Variants in CRTAP observed in about 807,000 individuals in gnomAD.
The protein encoded by CRTAP is cartilage-associated protein.
In CRTAP, 33 loss-of-function variants were observed where a neutral mutation model predicts 42.7. The observed-to-expected ratio is 0.77, with a 90% confidence interval of 0.59 to 1.03. CRTAP has a LOEUF of 1.03. CRTAP is among the 50% of genes least tolerant of loss of function. CRTAP has a pLI of 0.00. For missense variants in CRTAP, 613 were observed against 533.9 expected (o/e 1.15, Z -1.46); for synonymous variants, 243 against 217.7 (o/e 1.12, Z -1.02).
At chr3:33,134,120 T>A (rs2030351911) in intron 5 of CRTAP, 62 bp from the exon 6 acceptor site, 2 of 1,131,606 alleles carry the variant, frequency 1.8e-6, no homozygotes, top group East Asian at 4.7e-5. Context: ...TGTTCCTCCC[T>A]CCTCCCAGTT....
In CRTAP at chr3:33,146,677, G is replaced by A. The variant is rs2030732627; in HGVS notation, c.*4229G>A. On this transcript the variant is annotated 3_prime_UTR_variant, in exon 7 of 7. Transcript: ENST00000320954. ...AAGGGCTGCCTTAGGAAGGAAATGT[G>A]TGCTTTCAGGAGTTCTTATTAGGGG... 1 of 152,204 alleles carries A rather than the reference G, an allele frequency of 6.6e-6. No individual in the cohort carries two copies. The highest frequency in any genetic ancestry group is 1.5e-5 in the Non-Finnish European group (1 of 68,042). The allele number at this position is 152,204 out of a possible 1,614,324, so 9.4% of individuals were successfully genotyped here. A position where few individuals can be genotyped will look rare whatever the true frequency, so the allele number is the denominator to read the frequency against.
At chr3:33,129,440 A>G (rs185137678) in intron 3 of CRTAP, among the ~76,000 whole-genome samples, 2 of 151,818 alleles carry the variant, frequency 1.3e-5, no homozygotes, top group African/African-American at 2.4e-5. Flanking sequence ...GGCCATTTAT[A>G]TAGTGGATGT....
intron 1 of CRTAP, among the ~76,000 whole-genome samples, chr3:33,118,791 G>C (rs1015625487): frequency 6.6e-6 from 1 of 152,134 alleles, no homozygotes; most frequent in Non-Finnish European, 1.5e-5. Flanking sequence ...GTCCTCACAG[G>C]GAGGCCTCTG....
At chr3:33,142,297 G>T in intron 6 of CRTAP, 98 bp from the exon 7 acceptor site, 6 of 1,159,500 alleles carry the variant, frequency 5.2e-6, no homozygotes, top group Non-Finnish European at 7.8e-6. Flanking sequence ...AGCCAAAGCA[G>T]ACAGTGGTGA....
chr3:33,114,236 C>A lies in CRTAP; in HGVS notation c.159C>A (p.Asp53Glu), dbSNP rs777920818. The A allele has an allele frequency of 6.3e-7, 1 of 1,591,776 alleles. No individual in the cohort carries two copies. Reference sequence around the variant, plus strand: ...AGTCGGCCTACCGGCACGCGCTGGACAAGTACAGCGGCGAGCACTGGGCCG... The same window carrying A: ...AGTCGGCCTACCGGCACGCGCTGGAAAAGTACAGCGGCGAGCACTGGGCCG... The part of the protein sequence containing the change: ...PLESAYRHAL[D>E]KYSGEHWAES... Residue 53 changes from aspartate to glutamate, a missense_variant, in exon 1 of 7, where the codon GAC becomes GAA. Transcript: ENST00000320954.
chr3:33,128,098 A>C (rs1301277540), intron 3 of CRTAP, among the ~76,000 whole-genome samples: 1 of 152,206 alleles, frequency 6.6e-6, no homozygotes, highest in Non-Finnish European at 1.5e-5. Context: ...TTGCACATGC[A>C]TTATTACTCT....
At chr3:33,142,120 G>A (rs1055811063) in intron 6 of CRTAP, among the ~76,000 whole-genome samples, 2 of 152,138 alleles carry the variant, frequency 1.3e-5, no homozygotes, top group African/African-American at 2.4e-5. Context: ...ACACAGGAGG[G>A]CCACTTAGTA....
chr3:33,114,343 G>T lies in CRTAP; in HGVS notation c.266G>T (p.Ser89Ile). The change falls in exon 1 of 7, where the codon AGC becomes ATC. Residue 89 changes from serine (S) to isoleucine (I), a missense_variant. Physicochemically the swap from Ser to Ile is moderately radical, Grantham distance 142. Coordinates refer to ENST00000320954, the MANE Select transcript of CRTAP (RefSeq NM_006371.5). ...GAGGCCTTCTGCCACCGCAACTGCA[G>T]CGCCGCGCCGCAGCCCGAGCCCGCC... The part of the protein sequence containing the change: ...DSEAFCHRNC[S>I]AAPQPEPAAG... 6.5e-7 allele frequency: 1 copy of T among 1,527,716 alleles called. No homozygotes were observed. 94.6% of individuals were successfully genotyped at this position (1,527,716 alleles called of 1,614,324 possible).
chr3:33,130,091 T>G, intron 4 of CRTAP, 24 bp downstream of exon 4: 4 of 1,609,446 alleles, frequency 2.5e-6, no homozygotes, highest in Non-Finnish European at 3.4e-6. Context: ...TGTGACATCT[T>G]GGGTGAGGCA....
intron 3 of CRTAP, among the ~76,000 whole-genome samples, chr3:33,126,397 G>C (rs1447332562): frequency 6.6e-6 from 1 of 152,136 alleles, no homozygotes; most frequent in African/African-American, 2.4e-5. Flanking sequence ...CCCATGGTCT[G>C]GGTTTTGCTG....
At position 33,114,051 on chromosome 3, in the gene CRTAP, C is replaced by A; in HGVS notation, c.-27C>A. On this transcript the variant is annotated 5_prime_UTR_variant, in exon 1 of 7. Coordinates refer to ENST00000320954, the MANE Select transcript of CRTAP (RefSeq NM_006371.5). Reference sequence around the variant, plus strand: ...CCTCCCCTTTTCCCTTCCTTCGTCCCTTCCTTCCTTCCTTTCGCCGGGCGC... The same window carrying A: ...CCTCCCCTTTTCCCTTCCTTCGTCCATTCCTTCCTTCCTTTCGCCGGGCGC... The A allele has an allele frequency of 1.5e-6, 2 of 1,356,646 alleles. No homozygotes were observed. The highest frequency in any genetic ancestry group is 1.4e-5 in the South Asian group (1 of 69,158). The allele number at this position is 1,356,646 out of a possible 1,614,324, so 84.0% of individuals were successfully genotyped here. A position where few individuals can be genotyped will look rare whatever the true frequency, so the allele number is the denominator to read the frequency against.
intron 1 of CRTAP, among the ~76,000 whole-genome samples, chr3:33,118,501 C>G (rs574283650): frequency 1.1e-4 from 17 of 152,338 alleles, no homozygotes; most frequent in African/African-American, 3.8e-4. Context: ...CACCACCCAC[C>G]ACTTCTCTGA....
chr3:33,141,905 A>G (rs977431343), intron 6 of CRTAP, among the ~76,000 whole-genome samples: 1 of 152,198 alleles, frequency 6.6e-6, no homozygotes, highest in African/African-American at 2.4e-5. Context: ...AGCAGTATGT[A>G]TGCAAGCACT....
rs1701316743 is a variant in CRTAP, at chr3:33,114,400, T to C, written c.323T>C (p.Leu108Pro). The C allele has an allele frequency of 6.5e-7, 1 of 1,538,214 alleles. No individual in the cohort carries two copies. The highest frequency in any genetic ancestry group is 8.7e-7 in the Non-Finnish European group (1 of 1,147,356). The change falls in exon 1 of 7, where the codon CTC becomes CCC. Residue 108 changes from leucine (L) to proline (P), a missense_variant. Physicochemically the swap from Leu to Pro is moderately conservative, Grantham distance 98 (BLOSUM62 -3). Coordinates refer to ENST00000320954, the MANE Select transcript of CRTAP (RefSeq NM_006371.5). ...CTCGCCAGCTATCCCGAGCTGCGCCTCTTCGGGGGCCTGCTGCGCCGCGCG... is the reference window on the plus strand; with the variant it reads ...CTCGCCAGCTATCCCGAGCTGCGCCCCTTCGGGGGCCTGCTGCGCCGCGCG... ...AGLASYPELR[L>P]FGGLLRRAHC... is the part of the protein sequence containing the mutation.
intron 3 of CRTAP, among the ~76,000 whole-genome samples, chr3:33,126,796 T>G (rs1020280773): frequency 6.6e-6 from 1 of 152,188 alleles, no homozygotes; most frequent in African/African-American, 2.4e-5. Flanking sequence ...TCAATCAATA[T>G]ATGTAAGATG....
rs556469339 is a variant in CRTAP at position 33,122,703 on chromosome 3, C to CT, written c.622-1704dup. Among the ~76,000 whole-genome samples the CT allele has an allele frequency of 8.4e-4, 83 of 99,274 alleles. 1 individual carries two copies. Among genetic ancestry groups the CT allele is most frequent in the African/African-American group, 3.2e-3 (78 of 24,682 alleles). 65.1% of individuals were successfully genotyped at this position (99,274 alleles called of 152,430 possible). ...CGAGCCTGGGCAACAGAGCAAGACT[C>CT]TGTCTCAAAAAAAAAAAAAAAAAAA... On this transcript the variant is annotated intron_variant, in intron 2 of 6. Coordinates refer to ENST00000320954, the MANE Select transcript of CRTAP (RefSeq NM_006371.5).
chr3:33,114,587 C>T (rs1701322656), intron 1 of CRTAP, 39 bp downstream of exon 1: 2 of 1,543,570 alleles, frequency 1.3e-6, no homozygotes, highest in Non-Finnish European at 1.8e-6. Flanking sequence ...CCGGCCCCGC[C>T]CCTGACCCAG....
intron 1 of CRTAP, 99 bp from the exon 2 acceptor site, chr3:33,120,245 G>A: frequency 2.7e-6 from 3 of 1,104,776 alleles, no homozygotes; most frequent in Non-Finnish European, 4.2e-6. Context: ...AAAAGTTATA[G>A]CAACACAAAG....
chr3:33,122,314 G>A (rs777932186), intron 2 of CRTAP, among the ~76,000 whole-genome samples: 1 of 151,944 alleles, frequency 6.6e-6, no homozygotes, highest in African/African-American at 2.4e-5. Context: ...AGAACCAGCT[G>A]TCTGGAGTTG....
Sources: gnomAD v4.1 joint callset for allele counts (sites outside exome capture counted in the v4.1 genomes callset) on GRCh38, gnomAD v4.1.1 for gene constraint, MANE v1.5 for transcripts, NCBI Gene and HGNC (gene_info 2026-07-23, HGNC 2026-07-21) for gene names.